Variants in KCNN3 observed in about 807,000 individuals in gnomAD.
KCNN3 encodes the protein small conductance calcium-activated potassium channel protein 3.
In KCNN3, 16 loss-of-function variants were observed where a neutral mutation model predicts 62.9. That is an observed-to-expected ratio of 0.25 (90% confidence interval 0.17 to 0.39). The LOEUF is 0.39. KCNN3 is among the 10% of genes least tolerant of loss of function. The pLI, the probability that KCNN3 is intolerant of heterozygous loss-of-function variation, is 1.00. For synonymous variants in KCNN3, 370 were observed against 389.2 expected, an observed-to-expected ratio of 0.95 and a Z score of 0.58; for missense variants, 599 against 949.4, an observed-to-expected ratio of 0.63 and a Z score of 4.85.
intron 5 of KCNN3, among the ~76,000 whole-genome samples, chr1:154,718,986 C>T (rs549892017): frequency 4.5e-4 from 68 of 152,316 alleles, no homozygotes; most frequent in African/African-American, 1.6e-3. Flanking sequence ...GAGCTCTTGG[C>T]CGCAGCATCC....
At chr1:154,843,116 T>C (rs924371485) in intron 1 of KCNN3, among the ~76,000 whole-genome samples, 2 of 152,054 alleles carry the variant, frequency 1.3e-5, no homozygotes, top group South Asian at 2.1e-4. Context: ...CCCATAGACA[T>C]AGATGCTGAA....
At chr1:154,857,774 T>C (rs1322147099) in intron 1 of KCNN3, among the ~76,000 whole-genome samples, 3 of 152,192 alleles carry the variant, frequency 2.0e-5, no homozygotes, top group Non-Finnish European at 4.4e-5. Flanking sequence ...CACAGGGTTG[T>C]TGTGAGGACT....
intron 2 of KCNN3, among the ~76,000 whole-genome samples, chr1:154,787,993 T>C (rs1392284639): frequency 2.0e-5 from 3 of 151,920 alleles, no homozygotes; most frequent in Non-Finnish European, 4.4e-5. Flanking sequence ...GCCCTCAGGG[T>C]CTTAGATTGG....
At chr1:154,765,702 C>T (rs934909112) in intron 3 of KCNN3, among the ~76,000 whole-genome samples, 1 of 150,142 alleles carries the variant, frequency 6.7e-6, no homozygotes, top group Non-Finnish European at 1.5e-5. Flanking sequence ...AATCTCTGCT[C>T]GCTGCACTCT....
rs141961814 is a variant in KCNN3, at chr1:154,719,551, T to A, written c.1702-4548A>T. 2.6e-4 allele frequency among the ~76,000 whole-genome samples: 39 copies of A among 152,314 alleles called. No homozygotes were observed. In the East Asian group the frequency reaches 7.1e-3, roughly 28 times the overall value. ...CCACCTTGGTATATGTGCACCATCA[T>A]TGACTGAAACTTGTTATGCAGTGCA... On this transcript the variant is annotated intron_variant, in intron 5 of 7. Transcript: ENST00000271915.
chr1:154,820,946 G>A lies in KCNN3; in HGVS notation c.1029+1143C>T, dbSNP rs574275149. ...AAGAGGAGGAGGCACTCCCACCTGC[G>A]TCCGCACTGCTGCTCCACCCTGAAA... On this transcript the variant is annotated intron_variant, in intron 2 of 7. Transcript: ENST00000271915. Among the ~76,000 whole-genome samples, 85 of 152,298 alleles carry A rather than the reference G, an allele frequency of 5.6e-4. 1 individual carries two copies. The highest frequency in any genetic ancestry group is 4.4e-3 in the Admixed American group (68 of 15,296).
chr1:154,779,923 T>A (rs1648951962), intron 2 of KCNN3, among the ~76,000 whole-genome samples: 1 of 152,202 alleles, frequency 6.6e-6, no homozygotes, highest in Non-Finnish European at 1.5e-5. Flanking sequence ...AGGTCTGACC[T>A]TTCCCTGGTT....
chr1:154,826,200 ATTAT>A (rs1651123146), intron 1 of KCNN3, among the ~76,000 whole-genome samples: 1 of 152,212 alleles, frequency 6.6e-6, no homozygotes, highest in African/African-American at 2.4e-5. Flanking sequence ...TATATTTCCA[ATTAT>A]TTCATTTTTA....
At chr1:154,815,673 A>C (rs1461388221) in intron 2 of KCNN3, among the ~76,000 whole-genome samples, 1 of 152,244 alleles carries the variant, frequency 6.6e-6, no homozygotes, top group Non-Finnish European at 1.5e-5. Flanking sequence ...CCATTTTTAT[A>C]GACTGTACTA....
chr1:154,825,356 T>C (rs1810068), intron 1 of KCNN3, among the ~76,000 whole-genome samples: 34,870 of 148,102 alleles, frequency 0.24, 4,483 homozygotes, highest in Middle Eastern at 0.42. Context: ...TCCCATTTGA[T>C]GAGAATCATT....
rs544461397 is a variant in KCNN3, at chr1:154,862,028, C to T, written c.933+7004G>A. Among the ~76,000 whole-genome samples the T allele has an allele frequency of 7.2e-5, 11 of 152,070 alleles. No individual in the cohort carries two copies. The highest frequency in any genetic ancestry group is 6.2e-4 in the South Asian group (3 of 4,822). The stretch of plus-strand genomic sequence containing the variant: ...CAGAGGCATGAGGCACAGACAGGGA[C>T]GCAGGAAAATGGGACTCAAGAATGA... On this transcript the variant is annotated intron_variant, in intron 1 of 7. Coordinates refer to ENST00000271915, the MANE Select transcript of KCNN3 (RefSeq NM_002249.6). The surrounding 1 kb of genome is among the most constrained non-coding windows in gnomAD (Gnocchi z 4.1).
At chr1:154,836,058 C>G (rs573391164) in intron 1 of KCNN3, among the ~76,000 whole-genome samples, 112 of 152,184 alleles carry the variant, frequency 7.4e-4, no homozygotes, top group Non-Finnish European at 1.4e-3. Context: ...CCAAAGGCAC[C>G]TGACGCATGT....
intron 5 of KCNN3, among the ~76,000 whole-genome samples, chr1:154,716,826 C>A (rs1290153896): frequency 6.6e-5 from 10 of 152,158 alleles, no homozygotes; most frequent in Admixed American, 5.9e-4. Context: ...CTAGAGTGAA[C>A]AGCAGCCTCC....
chr1:154,868,941 T>TCTCA, intron 1 of KCNN3, 91 bp downstream of exon 1: 1 of 414,864 alleles, frequency 2.4e-6, no homozygotes, highest in Non-Finnish European at 3.2e-6. Context: ...TCTCTCAATC[T>TCTCA]CTCTCTCTCA....
At chr1:154,843,109 A>G (rs1185683791) in intron 1 of KCNN3, among the ~76,000 whole-genome samples, 2 of 152,178 alleles carry the variant, frequency 1.3e-5, no homozygotes, top group Non-Finnish European at 2.9e-5. Context: ...AGCCCAGCCC[A>G]TAGACATAGA....
intron 1 of KCNN3, among the ~76,000 whole-genome samples, chr1:154,833,018 G>T (rs1651435669): frequency 6.6e-6 from 1 of 152,034 alleles, no homozygotes; most frequent in Non-Finnish European, 1.5e-5. Context: ...ACAAAGCAAG[G>T]CCTACAGACA....
chr1:154,794,639 A>G (rs1649651042), intron 2 of KCNN3, among the ~76,000 whole-genome samples: 1 of 152,198 alleles, frequency 6.6e-6, no homozygotes, highest in Non-Finnish European at 1.5e-5. Context: ...GAGGCCCACA[A>G]GGAACAGGCA....
At chr1:154,810,447 C>G (rs1650356909) in intron 2 of KCNN3, among the ~76,000 whole-genome samples, 1 of 133,120 alleles carries the variant, frequency 7.5e-6, no homozygotes, top group Non-Finnish European at 1.5e-5. Flanking sequence ...AAGGAAGACC[C>G]TAGCCTTCCT....
At chr1:154,836,909 GATGA>G (rs1247438342) in intron 1 of KCNN3, among the ~76,000 whole-genome samples, 6 of 152,160 alleles carry the variant, frequency 3.9e-5, no homozygotes, top group Admixed American at 2.6e-4. Context: ...ATAAATACTT[GATGA>G]ATGAATGAAG....
Sources: gnomAD v4.1 joint callset for allele counts (sites outside exome capture counted in the v4.1 genomes callset) on GRCh38, gnomAD v4.1.1 for gene constraint, Gnocchi (gnomAD v3.1) non-coding constraint, MANE v1.5 for transcripts, NCBI Gene and HGNC (gene_info 2026-07-23, HGNC 2026-07-21) for gene names.